The following MMP16 variants were observed in gnomAD, a reference collection of about 807,000 sequenced individuals.
The protein encoded by MMP16 is matrix metallopeptidase 16.
In MMP16, 12 loss-of-function variants were observed where a neutral mutation model predicts 67.8. The ratio of observed to expected loss-of-function variants is 0.18; its 90% CI spans 0.11 to 0.29. The LOEUF (loss-of-function observed/expected upper bound fraction) is 0.29, where lower values mean the gene tolerates loss of function less well. Ranked by LOEUF, MMP16 falls within the 10% of genes least tolerant of loss-of-function variation. MMP16 has a pLI of 1.00. For synonymous variants in MMP16, 249 were observed against 255.9 expected (o/e 0.97, Z 0.26); for missense variants, 475 against 765.7 (o/e 0.62, Z 4.48).
intron 3 of MMP16, among the ~76,000 whole-genome samples, chr8:88,170,791 A>G (rs1246301807): frequency 1.3e-5 from 2 of 152,224 alleles, no homozygotes; most frequent in African/African-American, 4.8e-5. Flanking sequence ...TGGCCAGTTC[A>G]AAGAACCAGA....
intron 6 of MMP16, among the ~76,000 whole-genome samples, chr8:88,099,908 A>G (rs1809106208): frequency 1.3e-5 from 2 of 151,884 alleles, no homozygotes; most frequent in Non-Finnish European, 2.9e-5. Flanking sequence ...TATTTGCCAC[A>G]CTGGACTGTA....
At chr8:88,050,614 C>T (rs1291803829) in intron 8 of MMP16, among the ~76,000 whole-genome samples, 1 of 152,134 alleles carries the variant, frequency 6.6e-6, no homozygotes, top group African/African-American at 2.4e-5. Context: ...AATTGTCACT[C>T]AATTTAAGCA....
At chr8:88,264,791 T>C (rs1810448579) in intron 1 of MMP16, among the ~76,000 whole-genome samples, 1 of 152,238 alleles carries the variant, frequency 6.6e-6, no homozygotes, top group African/African-American at 2.4e-5. Context: ...CCATGTGTGA[T>C]AGCTAAGTAC....
At chr8:88,282,893 T>C (rs1041906775) in intron 1 of MMP16, among the ~76,000 whole-genome samples, 1 of 152,202 alleles carries the variant, frequency 6.6e-6, no homozygotes, top group East Asian at 1.9e-4. Context: ...CATATTATTC[T>C]TTTCATATAT....
chr8:88,153,475 G>T (rs1334436165), intron 4 of MMP16, among the ~76,000 whole-genome samples: 3 of 152,172 alleles, frequency 2.0e-5, no homozygotes, highest in Admixed American at 1.3e-4. Context: ...ATACTACAAG[G>T]CTACAGGAAC....
intron 1 of MMP16, among the ~76,000 whole-genome samples, chr8:88,211,446 T>C (rs542295366): frequency 1.3e-5 from 2 of 152,248 alleles, no homozygotes; most frequent in East Asian, 3.9e-4. Flanking sequence ...AAGGAGTTCA[T>C]AGTTTAACCA....
chr8:88,114,001 T>G (rs1043058034), intron 6 of MMP16, among the ~76,000 whole-genome samples: 2 of 151,992 alleles, frequency 1.3e-5, no homozygotes, highest in Non-Finnish European at 2.9e-5. Flanking sequence ...AAAACATAGG[T>G]TTTGGAATCA....
chr8:88,297,760 T>C (rs1487887351), intron 1 of MMP16, among the ~76,000 whole-genome samples: 1 of 152,218 alleles, frequency 6.6e-6, no homozygotes, highest in African/African-American at 2.4e-5. Flanking sequence ...TCAACTTCTC[T>C]GTGACTTCAG....
At chr8:88,131,272 C>CAG (rs1170111852) in intron 4 of MMP16, among the ~76,000 whole-genome samples, 3 of 150,878 alleles carry the variant, frequency 2.0e-5, no homozygotes, top group East Asian at 2.0e-4. Flanking sequence ...GTATTATACA[C>CAG]ACACACACAC....
At chr8:88,195,873 TTTA>T (rs1194373684) in intron 2 of MMP16, among the ~76,000 whole-genome samples, 3 of 152,184 alleles carry the variant, frequency 2.0e-5, no homozygotes, top group African/African-American at 7.2e-5. Context: ...TCTCAAAGCT[TTTA>T]TTATTTATAA....
chr8:88,289,451 G>A (rs1030490101), intron 1 of MMP16, among the ~76,000 whole-genome samples: 1 of 152,134 alleles, frequency 6.6e-6, no homozygotes, highest in Non-Finnish European at 1.5e-5. Flanking sequence ...TTTCACATCA[G>A]AGGACCATTG....
At chr8:88,261,372 T>C (rs1205141811) in intron 1 of MMP16, among the ~76,000 whole-genome samples, 11 of 152,170 alleles carry the variant, frequency 7.2e-5, no homozygotes, top group Non-Finnish European at 1.6e-4. Flanking sequence ...AAAAATATGT[T>C]ACTGTATAAT....
chr8:88,067,753 C>A (rs1384491012), intron 7 of MMP16, among the ~76,000 whole-genome samples: 4 of 152,132 alleles, frequency 2.6e-5, no homozygotes, highest in African/African-American at 9.7e-5. Flanking sequence ...ATCAGTACTT[C>A]ATTCCTTTTT....
intron 1 of MMP16, among the ~76,000 whole-genome samples, chr8:88,204,132 T>C (rs1192832144): frequency 1.3e-5 from 2 of 152,224 alleles, no homozygotes; most frequent in African/African-American, 2.4e-5. Context: ...ATTTTCCATC[T>C]GTAAAATAAT....
chr8:88,140,312 G>A (rs541306110), intron 4 of MMP16, among the ~76,000 whole-genome samples: 156 of 152,302 alleles, frequency 1.0e-3, no homozygotes, highest in Non-Finnish European at 2.0e-3. Context: ...AAGAGAGTAA[G>A]AGAGGGAGAG....
At chr8:88,092,291 G>A (rs1808951178) in intron 6 of MMP16, among the ~76,000 whole-genome samples, 1 of 151,760 alleles carries the variant, frequency 6.6e-6, no homozygotes. Context: ...TTAGCTACAG[G>A]TCTAATTGGA....
At chr8:88,062,752 C>A (rs184841087) in intron 7 of MMP16, among the ~76,000 whole-genome samples, 1 of 151,962 alleles carries the variant, frequency 6.6e-6, no homozygotes, top group Non-Finnish European at 1.5e-5. Flanking sequence ...CACAAGTATA[C>A]ATATGTAACA....
chr8:88,126,068 C>T (rs578036526), intron 4 of MMP16, among the ~76,000 whole-genome samples: 1 of 151,860 alleles, frequency 6.6e-6, no homozygotes, highest in South Asian at 2.1e-4. Context: ...TAATATGTGC[C>T]ACTACTTCCA....
intron 1 of MMP16, among the ~76,000 whole-genome samples, chr8:88,288,763 GTGTTTCTATTTT>G (rs1190957155): frequency 6.6e-6 from 1 of 152,084 alleles, no homozygotes; most frequent in African/African-American, 2.4e-5. Flanking sequence ...ATTTGATTTA[GTGTTTCTATTTT>G]CTAGGACTTT....
Sources: gnomAD v4.1 joint callset for allele counts (sites outside exome capture counted in the v4.1 genomes callset) on GRCh38, gnomAD v4.1.1 for gene constraint, MANE v1.5 for transcripts, NCBI Gene and HGNC (gene_info 2026-07-23, HGNC 2026-07-21) for gene names.